PLG: variants seen among roughly 807,000 people sequenced by gnomAD.
PLG encodes plasmin.
A neutral mutation model predicts 104.4 loss-of-function variants in PLG; 41 were observed. The ratio of observed to expected loss-of-function variants is 0.39; its 90% CI spans 0.31 to 0.51. The LOEUF is 0.51. Ranked by LOEUF, PLG falls within the 20% of genes least tolerant of loss-of-function variation. PLG has a pLI of 0.76. For synonymous variants in PLG, 337 were observed against 357.1 expected (o/e 0.94, Z 0.63); for missense variants, 891 against 1,003.6 (o/e 0.89, Z 1.52).
rs1204034586 is a variant in PLG, at chr6:160,732,494, A to G, written c.1587+601A>G. On this transcript the variant is annotated intron_variant, in intron 12 of 18. Transcript: ENST00000308192. This position sits in a 1 kb window ranked among gnomAD's most constrained non-coding sequence, Gnocchi z 4.5. ...GCAGATACCAGCTGGGTGTCCTACAATGTAACTCAGTGCTGACACTCTATC... is the reference window on the plus strand; with the variant it reads ...GCAGATACCAGCTGGGTGTCCTACAGTGTAACTCAGTGCTGACACTCTATC... Among the ~76,000 whole-genome samples the G allele has an allele frequency of 1.3e-5, 2 of 152,068 alleles. No homozygotes were observed. Among genetic ancestry groups the G allele is most frequent in the Non-Finnish European group, 2.9e-5 (2 of 67,996 alleles).
Position 160,739,469 on chromosome 6 carries a change from T to G in PLG, c.2018+261T>G, listed in dbSNP as rs1778149685. Reference sequence around the variant, plus strand: ...GTACTCTGTTACTCCTAGAACTCACTTAATGTTCACCAGTTCATACACATT... The same window carrying G: ...GTACTCTGTTACTCCTAGAACTCACGTAATGTTCACCAGTTCATACACATT... On this transcript the variant is annotated intron_variant, in intron 16 of 18. Transcript: ENST00000308192. This position sits in a 1 kb window ranked among gnomAD's most constrained non-coding sequence, Gnocchi z 4.4. 6.6e-6 allele frequency among the ~76,000 whole-genome samples: 1 copy of G among 152,202 alleles called. No individual in the cohort carries two copies.
chr6:160,718,699 G>A lies in PLG; in HGVS notation c.957G>A (p.Leu319=). 3 of 1,613,818 alleles carry A rather than the reference G, an allele frequency of 1.9e-6. No homozygotes were observed. Among genetic ancestry groups the A allele is most frequent in the Non-Finnish European group, 2.5e-6 (3 of 1,179,864 alleles). The change falls in exon 9 of 19, where the codon TTG becomes TTA. Residue 319 remains leucine, a synonymous_variant. Transcript: ENST00000308192. ...ACAATCACTTCTTTTTCAGAAATTT[G>A]GATGAAAACTACTGCCGCAATCCTG... ...RTPENFPCKN[L]DENYCRNPDG...
Position 160,738,989 on chromosome 6 carries a change from A to G in PLG, c.1878-79A>G, listed in dbSNP as rs568228264. 3.8e-6 allele frequency: 6 copies of G among 1,558,480 alleles called. No individual in the cohort carries two copies. In the South Asian group the frequency reaches 6.7e-5, roughly 17 times the overall value. ...CTGAGTGGCCAAGGGTGTCAGGGAG[A>G]CAGCACCAATTTCATGGCACAGAGG... On this transcript the variant is annotated intron_variant, in intron 15 of 18. Transcript: ENST00000308192. This position sits in a 1 kb window ranked among gnomAD's most constrained non-coding sequence, Gnocchi z 6.8.
In PLG at chr6:160,744,837, A is replaced by G. The variant is rs1313055931; in HGVS notation, c.2125+3420A>G. On this transcript the variant is annotated intron_variant, in intron 17 of 18. Transcript: ENST00000308192. This position sits in a 1 kb window ranked among gnomAD's most constrained non-coding sequence, Gnocchi z 4.5. The stretch of plus-strand genomic sequence containing the variant: ...TAACACTACCTTAGCTCTGTCCAAG[A>G]GATTCTGGTATGTTGTATCTTTATT... Among the ~76,000 whole-genome samples, 1 of 152,172 alleles carries G rather than the reference A, an allele frequency of 6.6e-6. No individual in the cohort carries two copies. The highest frequency in any genetic ancestry group is 1.5e-5 in the Non-Finnish European group (1 of 68,038).
chr6:160,736,925 C>T lies in PLG; in HGVS notation c.1720C>T (p.Pro574Ser), dbSNP rs1414167907. 6 of 1,614,020 alleles carry T rather than the reference C, an allele frequency of 3.7e-6. No homozygotes were observed. The highest frequency in any genetic ancestry group is 5.1e-6 in the Non-Finnish European group (6 of 1,179,952). ...TGATTGTGGGAAGCCTCAAGTGGAGCCGAAGAAATGTCCTGGAAGGGTTGT... is the reference window on the plus strand; with the variant it reads ...TGATTGTGGGAAGCCTCAAGTGGAGTCGAAGAAATGTCCTGGAAGGGTTGT... The part of the protein sequence containing the change: ...SFDCGKPQVE[P>S]KKCPGRVVGG... Residue 574 changes from proline (P) to serine (S), a missense_variant, in exon 14 of 19, where the codon CCG becomes TCG. By Grantham distance (74) the Pro-to-Ser change is moderately conservative. Transcript: ENST00000308192. The surrounding 1 kb of genome is among the most constrained non-coding windows in gnomAD (Gnocchi z 5.2).
chr6:160,743,006 CGTGT>C (rs913760867), intron 17 of PLG, among the ~76,000 whole-genome samples: 1 of 92,940 alleles, frequency 1.1e-5, no homozygotes, highest in African/African-American at 4.4e-5. Flanking sequence ...CACTGGTCTA[CGTGT>C]CTTTTTTTTT....
intron 9 of PLG, 110 bp from the exon 10 acceptor site, chr6:160,722,298 G>A (rs892071509): frequency 4.1e-6 from 3 of 736,708 alleles, no homozygotes; most frequent in African/African-American, 3.5e-5. Context: ...ATACAGAAAA[G>A]AGAACAGTCA....
In PLG at chr6:160,739,347, C is replaced by T. The variant is rs915348463; in HGVS notation, c.2018+139C>T. 1.1e-5 allele frequency: 12 copies of T among 1,101,566 alleles called. No individual in the cohort carries two copies. In the East Asian group the frequency reaches 2.7e-4, roughly 25 times the overall value. 68.2% of individuals were successfully genotyped at this position (1,101,566 alleles called of 1,614,324 possible). ...AAAGGCTCAAGGGCTTTGGGGACAG[C>T]ATCAATCTTCAACCCTAGCCCTGCC... On this transcript the variant is annotated intron_variant, in intron 16 of 18. Coordinates refer to ENST00000308192, the MANE Select transcript of PLG (RefSeq NM_000301.5). This position sits in a 1 kb window ranked among gnomAD's most constrained non-coding sequence, Gnocchi z 4.4.
At chr6:160,711,724 G>T in intron 4 of PLG, 1 of 1,608,108 alleles carries the variant, frequency 6.2e-7, no homozygotes, top group Non-Finnish European at 8.5e-7. Flanking sequence ...AAAAATCAAT[G>T]AAACTATGAG....
In PLG at chr6:160,752,990, A is replaced by T. The variant is rs1043808323; in HGVS notation, c.2362A>T (p.Asn788Tyr). 6 of 1,608,442 alleles carry T rather than the reference A, an allele frequency of 3.7e-6. No homozygotes were observed. The highest frequency in any genetic ancestry group is 1.7e-4 in the Middle Eastern group (1 of 6,048). The change falls in exon 19 of 19, where the codon AAT becomes TAT. Residue 788 changes from asparagine to tyrosine, a missense_variant. By Grantham distance (143) the Asn-to-Tyr change is moderately radical (BLOSUM62 -2). Transcript: ENST00000308192. This position sits in a 1 kb window ranked among gnomAD's most constrained non-coding sequence, Gnocchi z 4.7. ...TSWGLGCARPNKPGVYVRVSR... is the reference protein window; with the variant it reads ...TSWGLGCARPYKPGVYVRVSR... Reference sequence around the variant, plus strand: ...TTGGGGTCTTGGCTGTGCACGCCCCAATAAGCCTGGTGTCTATGTTCGTGT... The same window carrying T: ...TTGGGGTCTTGGCTGTGCACGCCCCTATAAGCCTGGTGTCTATGTTCGTGT...
intron 10 of PLG, among the ~76,000 whole-genome samples, chr6:160,727,478 A>G (rs1777937838): frequency 1.3e-5 from 2 of 151,666 alleles, no homozygotes; most frequent in Admixed American, 1.3e-4. Context: ...TAGTTGTAAA[A>G]AAGTAGACAA....
intron 17 of PLG, among the ~76,000 whole-genome samples, chr6:160,746,547 T>A (rs1284151466): frequency 1.3e-5 from 2 of 152,242 alleles, no homozygotes; most frequent in Non-Finnish European, 2.9e-5. Flanking sequence ...TTTATTGTGA[T>A]CCTCAATTTC....
chr6:160,738,022 G>A lies in PLG; in HGVS notation c.1803-516G>A, dbSNP rs1002190029. Among the ~76,000 whole-genome samples the A allele has an allele frequency of 2.0e-5, 3 of 152,080 alleles. No homozygotes were observed. Among genetic ancestry groups the A allele is most frequent in the African/African-American group, 7.2e-5 (3 of 41,384 alleles). On this transcript the variant is annotated intron_variant, in intron 14 of 18. Coordinates refer to ENST00000308192, the MANE Select transcript of PLG (RefSeq NM_000301.5). The surrounding 1 kb of genome is among the most constrained non-coding windows in gnomAD (Gnocchi z 6.8). Reference sequence around the variant, plus strand: ...TTATTCTGAGCTATTACCTGCCTACGCAGTCCTAGAAAGTAAGTGATTCAG... The same window carrying A: ...TTATTCTGAGCTATTACCTGCCTACACAGTCCTAGAAAGTAAGTGATTCAG...
intron 10 of PLG, among the ~76,000 whole-genome samples, chr6:160,722,803 A>T (rs1400335803): frequency 6.6e-6 from 1 of 152,166 alleles, no homozygotes; most frequent in East Asian, 1.9e-4. Context: ...TCTGGAGGTG[A>T]TGAGGTCACA....
At position 160,716,659 on chromosome 6, in the gene PLG, A is replaced by G; in HGVS notation, c.683A>G (p.Asn228Ser). The change falls in exon 7 of 19, where the codon AAC (asparagine) becomes AGC (serine). Residue 228 changes from asparagine (N) to serine (S), a missense_variant. Coordinates refer to ENST00000308192, the MANE Select transcript of PLG (RefSeq NM_000301.5). ...TGTCCATTCAGATTTCCAAACAAGA[A>G]CCTGAAGAAGAATTACTGTCGTAAC... ...GYIPSKFPNKNLKKNYCRNPD... is the reference protein window; with the variant it reads ...GYIPSKFPNKSLKKNYCRNPD... The G allele has an allele frequency of 6.2e-7, 1 of 1,603,668 alleles. No homozygotes were observed. The highest frequency in any genetic ancestry group is 8.5e-7 in the Non-Finnish European group (1 of 1,170,486).
chr6:160,730,776 A>C (rs913667301), intron 10 of PLG: 2 of 353,842 alleles, frequency 5.7e-6, no homozygotes, highest in African/African-American at 4.2e-5. Context: ...GGATATTCTG[A>C]TCCTTTTATT....
chr6:160,749,332 AC>A (rs1362968221), intron 17 of PLG, among the ~76,000 whole-genome samples: 2 of 151,672 alleles, frequency 1.3e-5, no homozygotes, highest in African/African-American at 4.9e-5. Flanking sequence ...CACCACCACC[AC>A]CATCACAATT....
chr6:160,729,303 T>C (rs1777962469), intron 10 of PLG, among the ~76,000 whole-genome samples: 1 of 152,210 alleles, frequency 6.6e-6, no homozygotes, highest in African/African-American at 2.4e-5. Context: ...ATACGCTGGT[T>C]AAAGTACAGT....
At position 160,725,816 on chromosome 6, in the gene PLG, A is replaced by G. The variant is rs1455035542; in HGVS notation, c.1256+3249A>G. On this transcript the variant is annotated intron_variant, in intron 10 of 18. Coordinates refer to ENST00000308192, the MANE Select transcript of PLG (RefSeq NM_000301.5). The surrounding 1 kb of genome is among the most constrained non-coding windows in gnomAD (Gnocchi z 6.3). ...AGAAGAAAGCTGGAGTGGTAATGTTAATCCCAAAGTAATCTACAAGAAATA... is the reference window on the plus strand; with the variant it reads ...AGAAGAAAGCTGGAGTGGTAATGTTGATCCCAAAGTAATCTACAAGAAATA... 6.6e-6 allele frequency among the ~76,000 whole-genome samples: 1 copy of G among 152,172 alleles called. No individual in the cohort carries two copies. Among genetic ancestry groups the G allele is most frequent in the Non-Finnish European group, 1.5e-5 (1 of 68,006 alleles).
Sources: allele counts gnomAD v4.1 joint callset (sites outside exome capture counted in the v4.1 genomes callset), GRCh38; gene constraint gnomAD v4.1.1; non-coding constraint Gnocchi (gnomAD v3.1); transcripts MANE v1.5; gene names NCBI Gene and HGNC (gene_info 2026-07-23, HGNC 2026-07-21).